The following TENM2 variants were observed in gnomAD, a reference collection of about 807,000 sequenced individuals.
TENM2 encodes teneurin transmembrane protein 2.
Under a neutral mutation model 245.2 loss-of-function variants are expected in TENM2, and 52 were observed. That is an observed-to-expected ratio of 0.21 (90% CI 0.17 to 0.27). The LOEUF is 0.27. Among genes scored for constraint, TENM2 ranks in the 10% least tolerant of loss-of-function variants. The probability of loss-of-function intolerance (pLI) is 1.00; values close to 1 mark genes in which losing one functional copy is unlikely to be tolerated. For synonymous variants in TENM2, 1,363 were observed against 1,438.9 expected, an observed-to-expected ratio of 0.95 and a Z score of 1.19; for missense variants, 3,046 against 3,666.8, an observed-to-expected ratio of 0.83 and a Z score of 4.37.
chr5:167,782,249 G>T (rs1764234897), intron 2 of TENM2, among the ~76,000 whole-genome samples: 1 of 142,510 alleles, frequency 7.0e-6, no homozygotes, highest in Admixed American at 7.3e-5. Flanking sequence ...GGAGGTAGAG[G>T]TTGCGGTGAG....
At chr5:167,826,267 T>C (rs1678340259) in intron 2 of TENM2, among the ~76,000 whole-genome samples, 1 of 152,214 alleles carries the variant, frequency 6.6e-6, no homozygotes, top group African/African-American at 2.4e-5. Flanking sequence ...TCAAGAGTGC[T>C]TGGGTCAGTT....
chr5:167,691,948 T>C (rs919579487), intron 2 of TENM2, among the ~76,000 whole-genome samples: 9 of 152,298 alleles, frequency 5.9e-5, no homozygotes, highest in Middle Eastern at 3.4e-3. Flanking sequence ...GCCCGTGTGG[T>C]TAAAGTCTCA....
intron 21 of TENM2, among the ~76,000 whole-genome samples, chr5:168,215,939 G>C (rs562163744): frequency 6.6e-6 from 1 of 152,356 alleles, no homozygotes; most frequent in Non-Finnish European, 1.5e-5. Flanking sequence ...CTCACATGTT[G>C]TAAATGCCCA....
chr5:167,311,096 G>A (rs183433259), intron 1 of TENM2, among the ~76,000 whole-genome samples: 204 of 152,238 alleles, frequency 1.3e-3, no homozygotes, highest in African/African-American at 4.7e-3. Flanking sequence ...CTTGGTCCAG[G>A]GCTTAGGGGA....
the TENM2 span, among the ~76,000 whole-genome samples, chr5:167,032,149 T>C: frequency 2.0e-5 from 3 of 152,140 alleles, no homozygotes; most frequent in Admixed American, 6.5e-5. Flanking sequence ...TATTATAAGA[T>C]TACAAGTATA....
At chr5:168,029,800 C>T (rs779395834) in intron 5 of TENM2, among the ~76,000 whole-genome samples, 2 of 152,156 alleles carry the variant, frequency 1.3e-5, no homozygotes, top group Admixed American at 6.5e-5. Flanking sequence ...GTTAGTCTTC[C>T]CTATAATTGC....
chr5:168,036,677 GTA>G (rs60784450), intron 5 of TENM2, among the ~76,000 whole-genome samples: 1,335 of 117,770 alleles, frequency 0.011, 39 homozygotes, highest in East Asian at 0.04. Flanking sequence ...ATATGTATGT[GTA>G]TATATATATA....
At chr5:167,407,355 T>TAAAG (rs1762690080) in intron 2 of TENM2, among the ~76,000 whole-genome samples, 1 of 152,164 alleles carries the variant, frequency 6.6e-6, no homozygotes, top group African/African-American at 2.4e-5. Flanking sequence ...AGGTACTAGT[T>TAAAG]AAAGGAGCTG....
At chr5:167,174,172 C>T in the TENM2 span, among the ~76,000 whole-genome samples, 1 of 150,906 alleles carries the variant, frequency 6.6e-6, no homozygotes, top group Non-Finnish European at 1.5e-5. Flanking sequence ...CTGGTTTTCT[C>T]ACAATGAATT....
the TENM2 span, among the ~76,000 whole-genome samples, chr5:167,173,342 C>T: frequency 2.3e-4 from 35 of 152,272 alleles, no homozygotes; most frequent in African/African-American, 7.0e-4. Context: ...AGAATACCGA[C>T]GAGAAATTAC....
intron 1 of TENM2, among the ~76,000 whole-genome samples, chr5:167,331,252 AAGAC>A (rs1757443108): frequency 2.0e-5 from 3 of 151,258 alleles, no homozygotes; most frequent in Non-Finnish European, 4.4e-5. Context: ...AAAAAAAAAA[AAGAC>A]AAGAAAAAAG....
At chr5:168,175,853 G>A (rs888935018) in intron 13 of TENM2, among the ~76,000 whole-genome samples, 3 of 152,230 alleles carry the variant, frequency 2.0e-5, no homozygotes, top group Non-Finnish European at 2.9e-5. Context: ...GGCTCAGGGA[G>A]TGTAGAACCA....
intron 16 of TENM2, 115 bp from the exon 19 acceptor site, chr5:168,199,749 C>A: frequency 8.8e-7 from 1 of 1,132,494 alleles, no homozygotes; most frequent in Non-Finnish European, 1.3e-6. Context: ...GGTTCTTGCA[C>A]CCACATAAGA....
intron 2 of TENM2, among the ~76,000 whole-genome samples, chr5:167,604,578 A>G (rs888360483): frequency 5.3e-5 from 8 of 152,162 alleles, no homozygotes; most frequent in South Asian, 2.1e-4. Context: ...TAGGGTTTCT[A>G]TAAGACTTCT....
intron 1 of TENM2, among the ~76,000 whole-genome samples, chr5:167,304,650 G>C (rs1463675250): frequency 6.8e-6 from 1 of 146,592 alleles, no homozygotes. Context: ...TTTTTGGATT[G>C]TTTGTTTGTT....
chr5:167,651,766 TG>T (rs1561639471), intron 2 of TENM2, among the ~76,000 whole-genome samples: 2 of 152,136 alleles, frequency 1.3e-5, no homozygotes, highest in African/African-American at 4.8e-5. Context: ...CTAATCTCTT[TG>T]GTCCAATATA....
chr5:167,822,160 G>A (rs1767584279), intron 2 of TENM2, among the ~76,000 whole-genome samples: 1 of 151,726 alleles, frequency 6.6e-6, no homozygotes, highest in African/African-American at 2.4e-5. Flanking sequence ...TGTGAAATGG[G>A]CTTGGGATTT....
chr5:167,141,495 G>T, the TENM2 span, among the ~76,000 whole-genome samples: 1 of 152,066 alleles, frequency 6.6e-6, no homozygotes, highest in East Asian at 1.9e-4. Flanking sequence ...TTAAGAATTT[G>T]GGAATGAAAT....
intron 1 of TENM2, among the ~76,000 whole-genome samples, chr5:167,345,043 C>T (rs543430086): frequency 6.6e-6 from 1 of 152,274 alleles, no homozygotes; most frequent in East Asian, 1.9e-4. Flanking sequence ...CTTCCTATTG[C>T]GTTGCTGATT....
Sources: gnomAD v4.1 joint callset for allele counts (sites outside exome capture counted in the v4.1 genomes callset) on GRCh38, gnomAD v4.1.1 for gene constraint, MANE v1.5 for transcripts, NCBI Gene and HGNC (gene_info 2026-07-23, HGNC 2026-07-21) for gene names.